The following VPS53 variants were observed in gnomAD, a reference collection of about 807,000 sequenced individuals.
The protein encoded by VPS53 is vacuolar protein sorting-associated protein 53 homolog.
Under a neutral mutation model 107.0 loss-of-function variants are expected in VPS53, and 70 were observed. The observed-to-expected ratio is 0.65, with a 90% confidence interval of 0.54 to 0.80. The LOEUF (loss-of-function observed/expected upper bound fraction) is 0.80, where lower values mean the gene tolerates loss of function less well. VPS53 is among the 30% of genes least tolerant of loss of function. The pLI is 0.00. For missense variants in VPS53, 917 were observed against 1,049.4 expected (o/e 0.87, Z 1.74); for synonymous variants, 409 against 393.3 (o/e 1.04, Z -0.47).
At chr17:618,755 C>A (rs1221013353) in intron 11 of VPS53, among the ~76,000 whole-genome samples, 1 of 151,482 alleles carries the variant, frequency 6.6e-6, no homozygotes, top group Non-Finnish European at 1.5e-5. Context: ...ACCACCATGC[C>A]CCGCTAATAT....
At chr17:549,812 G>T (rs2151835202) in intron 17 of VPS53, among the ~76,000 whole-genome samples, 1 of 152,300 alleles carries the variant, frequency 6.6e-6, no homozygotes, top group East Asian at 1.9e-4. Context: ...TCCTGTGAAT[G>T]CTGAGAATAC....
In VPS53 at chr17:562,518, G is replaced by A. The variant is rs752422446; in HGVS notation, c.1541C>T (p.Ser514Phe). The A allele has an allele frequency of 6.2e-7, 1 of 1,614,012 alleles. No homozygotes were observed. Among genetic ancestry groups the A allele is most frequent in the African/African-American group, 1.3e-5 (1 of 74,900 alleles). The change falls in exon 14 of 22, where the codon TCT (serine) becomes TTT (phenylalanine). Residue 514 changes from serine (S) to phenylalanine (F), a missense_variant. Transcript: ENST00000437048. ...CAGGACTCACTTGGGCAGGTTGCCAGAGAGGATTTTCCAGGCGTATTCTCG... is the reference window on the plus strand; with the variant it reads ...CAGGACTCACTTGGGCAGGTTGCCAAAGAGGATTTTCCAGGCGTATTCTCG... ...YLREYAWKILSGNLPKTTTSS... is the reference protein window; with the variant it reads ...YLREYAWKILFGNLPKTTTSS...
chr17:711,840 G>A (rs1224781552), intron 1 of VPS53, among the ~76,000 whole-genome samples: 5 of 145,438 alleles, frequency 3.4e-5, no homozygotes, highest in Admixed American at 7.0e-5. Context: ...TTTTTGACAC[G>A]GAGTCTCGCG....
intron 13 of VPS53, among the ~76,000 whole-genome samples, chr17:571,572 A>G (rs1282969040): frequency 7.9e-6 from 1 of 126,112 alleles, no homozygotes; most frequent in African/African-American, 2.7e-5. Flanking sequence ...CTCTCTTTCC[A>G]CGGTCTCCCT....
intron 16 of VPS53, chr17:552,900 G>A (rs984974245): frequency 3.6e-5 from 14 of 390,202 alleles, no homozygotes; most frequent in African/African-American, 6.3e-5. Flanking sequence ...GGCAGGCAGC[G>A]AGCAAGTGTG....
At position 553,434 on chromosome 17, in the gene VPS53, T is replaced by A; in HGVS notation, c.1733A>T (p.Asp578Val). The change falls in exon 16 of 22, where the codon GAT becomes GTT. Residue 578 changes from aspartate to valine, a missense_variant. Asp to Val is a radical substitution (Grantham distance 152). Transcript: ENST00000437048. ...QLEEKLKEKV[D>V]VSLIERINLT... The stretch of plus-strand genomic sequence containing the variant: ...ATTGATTCGTTCAATCAGACTTACA[T>A]CCACTTTTTCTTTGAGTTTTTCTTC... 6.2e-7 allele frequency: 1 copy of A among 1,614,136 alleles called. No individual in the cohort carries two copies.
intron 7 of VPS53, among the ~76,000 whole-genome samples, chr17:647,518 G>A (rs1970758405): frequency 6.6e-6 from 1 of 152,200 alleles, no homozygotes; most frequent in Admixed American, 6.5e-5. Context: ...GGGTAGAAGG[G>A]ACTGCCTTCC....
intron 18 of VPS53, among the ~76,000 whole-genome samples, chr17:533,837 C>A (rs1305418232): frequency 7.2e-6 from 1 of 137,932 alleles, no homozygotes; most frequent in East Asian, 2.3e-4. Context: ...TTGAGTAAAT[C>A]ATAAACTTTT....
chr17:600,292 T>C (rs1031899985), intron 12 of VPS53, among the ~76,000 whole-genome samples: 1 of 152,226 alleles, frequency 6.6e-6, no homozygotes, highest in Non-Finnish European at 1.5e-5. Context: ...CCATGGCAGC[T>C]ACTAGCATTC....
chr17:521,578 C>T, intron 20 of VPS53, 23 bp downstream of exon 20: 2 of 1,510,986 alleles, frequency 1.3e-6, no homozygotes, highest in Non-Finnish European at 1.8e-6. Context: ...AAATAACTGG[C>T]CCCTTTTAAC....
In VPS53 at chr17:519,235, G is replaced by A. The variant is rs1234766598; in HGVS notation, c.2392C>T (p.Pro798Ser). ...ELLRQRLPAP[P>S]SGAESSGSLS... is the part of the protein sequence containing the mutation. ...GAGCCGGAGCTTTCTGCCCCCGAGG[G>A]CGGTGCGGGGAGCCGCTGGCGCAGG... is the stretch of plus-strand genomic sequence containing the variant. The change falls in exon 22 of 22, where the codon CCC becomes TCC. Residue 798 changes from proline (P) to serine (S), a missense_variant. Coordinates refer to ENST00000437048, the MANE Select transcript of VPS53 (RefSeq NM_001128159.3). The surrounding 1 kb of genome is among the most constrained non-coding windows in gnomAD (Gnocchi z 5.0). 1 of 1,547,718 alleles carries A rather than the reference G, an allele frequency of 6.5e-7. No individual in the cohort carries two copies. The highest frequency in any genetic ancestry group is 1.4e-5 in the African/African-American group (1 of 72,906).
intron 18 of VPS53, among the ~76,000 whole-genome samples, chr17:535,607 C>T (rs1475196717): frequency 4.6e-5 from 7 of 152,172 alleles, no homozygotes; most frequent in African/African-American, 1.7e-4. Context: ...GGAGCAGCCA[C>T]CCTGGAGATT....
At chr17:710,432 T>C in intron 2 of VPS53, 101 bp downstream of exon 2, 1 of 852,514 alleles carries the variant, frequency 1.2e-6, no homozygotes, top group Non-Finnish European at 2.0e-6. Flanking sequence ...CTCTCCCTTG[T>C]GTATCAAGGG....
intron 5 of VPS53, chr17:657,241 G>T: frequency 8.9e-7 from 1 of 1,120,912 alleles, no homozygotes; most frequent in Non-Finnish European, 1.3e-6. Flanking sequence ...CTCCTCAGGT[G>T]TACAGCAAAG....
At chr17:697,763 A>G (rs1364795796) in intron 3 of VPS53, among the ~76,000 whole-genome samples, 1 of 152,170 alleles carries the variant, frequency 6.6e-6, no homozygotes, top group Non-Finnish European at 1.5e-5. Flanking sequence ...AATCTGCAGG[A>G]TTTTTCATGG....
intron 4 of VPS53, among the ~76,000 whole-genome samples, chr17:690,155 T>C (rs1567742245): frequency 6.6e-6 from 1 of 152,202 alleles, no homozygotes; most frequent in Non-Finnish European, 1.5e-5. Flanking sequence ...GCAAATCTGC[T>C]AATGATAAAG....
At position 586,343 on chromosome 17, in the gene VPS53, C is replaced by G. The variant is rs372601985; in HGVS notation, c.1240G>C (p.Asp414His). ...LDQPKKPKAP[D>H]NPFHGIVSKC... ...GAAACAATGCCATGAAATGGATTGT[C>G]TGGGGCTTTAGGCTTCTTTGGCTGT... The change falls in exon 13 of 22, where the codon GAC (aspartate) becomes CAC (histidine). Residue 414 changes from aspartate to histidine, a missense_variant. Asp to His is a moderately conservative substitution (Grantham distance 81, BLOSUM62 -1). Coordinates refer to ENST00000437048, the MANE Select transcript of VPS53 (RefSeq NM_001128159.3). The G allele has an allele frequency of 1.2e-6, 2 of 1,614,086 alleles. No homozygotes were observed. Among genetic ancestry groups the G allele is most frequent in the Non-Finnish European group, 1.7e-6 (2 of 1,179,952 alleles).
At chr17:612,261 CAT>C (rs1163898629) in intron 11 of VPS53, among the ~76,000 whole-genome samples, 3 of 122,334 alleles carry the variant, frequency 2.5e-5, no homozygotes, top group African/African-American at 9.4e-5. Flanking sequence ...CAAATATTCA[CAT>C]AGTGAGTTCA....
intron 4 of VPS53, among the ~76,000 whole-genome samples, chr17:668,387 A>G (rs1310782878): frequency 1.3e-5 from 2 of 152,188 alleles, no homozygotes; most frequent in Non-Finnish European, 2.9e-5. Context: ...TGCTGAGGCT[A>G]CCGCTCTGAA....
Sources: allele counts gnomAD v4.1 joint callset (sites outside exome capture counted in the v4.1 genomes callset), GRCh38; gene constraint gnomAD v4.1.1; non-coding constraint Gnocchi (gnomAD v3.1); transcripts MANE v1.5; gene names NCBI Gene and HGNC (gene_info 2026-07-23, HGNC 2026-07-21).